EYA1: variants seen among roughly 807,000 people sequenced by gnomAD.
EYA1 encodes EYA transcriptional coactivator and phosphatase 1, also known as protein phosphatase EYA1.
EYA1 carries 16 observed loss-of-function variants against 82.0 expected under a neutral mutation model. That is an observed-to-expected ratio of 0.20 (90% CI 0.13 to 0.30). The LOEUF (loss-of-function observed/expected upper bound fraction) is 0.30, where lower values mean the gene tolerates loss of function less well. EYA1 is among the 10% of genes least tolerant of loss of function. The pLI is 1.00. For synonymous variants in EYA1, 261 were observed against 264.4 expected (o/e 0.99, Z 0.12); for missense variants, 633 against 730.7 (o/e 0.87, Z 1.54).
At chr8:71,210,457 A>C (rs1808364810) in intron 17 of EYA1, among the ~76,000 whole-genome samples, 1 of 152,182 alleles carries the variant, frequency 6.6e-6, no homozygotes, top group Admixed American at 6.5e-5. Context: ...CTGTAACCAG[A>C]CTGTGGAGAC....
intron 2 of EYA1, among the ~76,000 whole-genome samples, chr8:71,441,164 T>C (rs61407356): frequency 0.053 from 8,005 of 152,172 alleles, 700 homozygotes; most frequent in African/African-American, 0.18. Flanking sequence ...TCATAAGACA[T>C]GAACACTGTA....
intron 2 of EYA1, among the ~76,000 whole-genome samples, chr8:71,456,356 C>T (rs1253643227): frequency 6.6e-6 from 1 of 152,152 alleles, no homozygotes; most frequent in Non-Finnish European, 1.5e-5. Context: ...GATTTAATGT[C>T]ATCCCCATCA....
At chr8:71,437,982 T>C (rs1031625367) in intron 2 of EYA1, among the ~76,000 whole-genome samples, 1 of 152,116 alleles carries the variant, frequency 6.6e-6, no homozygotes, top group African/African-American at 2.4e-5. Context: ...AATATTTAGA[T>C]CAGGGATCTG....
intron 2 of EYA1, among the ~76,000 whole-genome samples, chr8:71,507,901 T>C (rs747815337): frequency 6.6e-6 from 1 of 152,128 alleles, no homozygotes; most frequent in Non-Finnish European, 1.5e-5. Flanking sequence ...CCTCAAAACA[T>C]TGACAAATAA....
chr8:71,319,433 G>T (rs112020350), intron 6 of EYA1, among the ~76,000 whole-genome samples: 3,599 of 152,108 alleles, frequency 0.024, 139 homozygotes, highest in African/African-American at 0.082. Flanking sequence ...CCTGGCCTAA[G>T]TCATGTATTT....
At chr8:71,312,504 T>C (rs1384836814) in intron 7 of EYA1, among the ~76,000 whole-genome samples, 1 of 152,230 alleles carries the variant, frequency 6.6e-6, no homozygotes, top group Admixed American at 6.5e-5. Context: ...GGGAGTGCAG[T>C]GGCACGATCT....
At chr8:71,523,425 G>A (rs558972716) in intron 2 of EYA1, among the ~76,000 whole-genome samples, 62 of 151,922 alleles carry the variant, frequency 4.1e-4, no homozygotes, top group Non-Finnish European at 7.2e-4. Flanking sequence ...TGATCCACCC[G>A]CCTCGGCCTC....
upstream of EYA1, among the ~76,000 whole-genome samples, chr8:71,364,380 G>A (rs1438382402): frequency 6.6e-6 from 1 of 151,836 alleles, no homozygotes; most frequent in Non-Finnish European, 1.5e-5. Context: ...TAAACCAAAA[G>A]TAAGTTACCC....
chr8:71,283,529 CT>C (rs3086593), intron 9 of EYA1, among the ~76,000 whole-genome samples: 153 of 147,416 alleles, frequency 1.0e-3, no homozygotes, highest in South Asian at 1.5e-3. Context: ...GCTCGTTAAA[CT>C]TTTTTTTTTT....
At chr8:71,482,755 T>G (rs1404041227) in intron 2 of EYA1, among the ~76,000 whole-genome samples, 2 of 152,156 alleles carry the variant, frequency 1.3e-5, no homozygotes, top group Admixed American at 1.3e-4. Flanking sequence ...AGGCCCAAAG[T>G]CGAGCAAACA....
At chr8:71,280,383 T>C (rs1241658530) in intron 9 of EYA1, among the ~76,000 whole-genome samples, 1 of 152,202 alleles carries the variant, frequency 6.6e-6, no homozygotes, top group Non-Finnish European at 1.5e-5. Flanking sequence ...ACTTAGATTT[T>C]CTCTGACTTA....
intron 2 of EYA1, among the ~76,000 whole-genome samples, chr8:71,525,511 T>C (rs1813738041): frequency 6.6e-6 from 1 of 152,190 alleles, no homozygotes; most frequent in Admixed American, 6.5e-5. Context: ...TGGTATGTGA[T>C]TGTTAACATA....
intron 11 of EYA1, among the ~76,000 whole-genome samples, chr8:71,252,591 C>G (rs1813880618): frequency 6.6e-6 from 1 of 152,136 alleles, no homozygotes; most frequent in Admixed American, 6.5e-5. Flanking sequence ...TGAGCACTCC[C>G]AGAAGGGGCC....
intron 11 of EYA1, among the ~76,000 whole-genome samples, chr8:71,256,833 C>T (rs955297906): frequency 6.6e-6 from 1 of 151,960 alleles, no homozygotes; most frequent in African/African-American, 2.4e-5. Flanking sequence ...AACCCTGTCT[C>T]TACTAAAAAT....
At chr8:71,218,058 T>A (rs1809435485) in intron 12 of EYA1, among the ~76,000 whole-genome samples, 1 of 152,210 alleles carries the variant, frequency 6.6e-6, no homozygotes, top group African/African-American at 2.4e-5. Context: ...CATATTTCAG[T>A]CATGTTCCTC....
intron 4 of EYA1, 183 bp from the exon 5 acceptor site, chr8:71,322,451 G>T: frequency 1.6e-6 from 1 of 627,928 alleles, no homozygotes; most frequent in Non-Finnish European, 2.8e-6. Context: ...AAACTATAAA[G>T]AGGAATGAAT....
intron 4 of EYA1, among the ~76,000 whole-genome samples, chr8:71,330,784 C>A (rs1030021143): frequency 6.6e-6 from 1 of 152,140 alleles, no homozygotes; most frequent in African/African-American, 2.4e-5. Flanking sequence ...GCAAGAACAG[C>A]ACAAAAACTT....
At chr8:71,323,179 A>G (rs1281513822) in intron 4 of EYA1, among the ~76,000 whole-genome samples, 1 of 152,144 alleles carries the variant, frequency 6.6e-6, no homozygotes, top group Non-Finnish European at 1.5e-5. Context: ...ATATACATAC[A>G]TATATATCTA....
intron 9 of EYA1, among the ~76,000 whole-genome samples, chr8:71,296,186 T>C (rs972616362): frequency 2.0e-5 from 3 of 152,210 alleles, no homozygotes; most frequent in Non-Finnish European, 4.4e-5. Context: ...ATTCAAGTTA[T>C]ATTATTTTTA....
Sources: allele counts gnomAD v4.1 joint callset (sites outside exome capture counted in the v4.1 genomes callset), GRCh38; gene constraint gnomAD v4.1.1; transcripts MANE v1.5; gene names NCBI Gene and HGNC (gene_info 2026-07-23, HGNC 2026-07-21).